The following SARM1 variants were observed in gnomAD, a reference collection of about 807,000 sequenced individuals.
SARM1 encodes the protein NAD(+) hydrolase SARM1.
Under a neutral mutation model 65.1 loss-of-function variants are expected in SARM1, and 60 were observed. That is an observed-to-expected ratio of 0.92 (90% CI 0.75 to 1.14). SARM1 has a LOEUF of 1.14. Among genes scored for constraint, SARM1 ranks in the 50% most tolerant of loss-of-function variants. The pLI is 0.00. For synonymous variants in SARM1, 417 were observed against 465.4 expected (o/e 0.90, Z 1.34); for missense variants, 913 against 1,015.7 (o/e 0.90, Z 1.37).
chr17:28,384,955 C>A lies in SARM1; in HGVS notation c.1394+25C>A. 1.3e-6 allele frequency: 2 copies of A among 1,579,966 alleles called. No homozygotes were observed. The highest frequency in any genetic ancestry group is 1.7e-6 in the Non-Finnish European group (2 of 1,162,638). On this transcript the variant is annotated intron_variant, in intron 4 of 8. Transcript: ENST00000585482. The surrounding 1 kb of genome is among the most constrained non-coding windows in gnomAD (Gnocchi z 4.4). ...GGTACGGAGCCTCCTGCCCGCCGGA[C>A]CCCAGCTAGGTCTAAATAAGCTCCC...
In SARM1 at chr17:28,372,123, C is replaced by A; in HGVS notation, c.91C>A (p.Pro31Thr). ...PRPGAERLAV[P>T]GPDGGGGTGP... Reference sequence around the variant, plus strand: ...GCCGGGCGCCGAGCGGCTGGCGGTGCCTGGGCCAGATGGGGGCGGTGGCAC... The same window carrying A: ...GCCGGGCGCCGAGCGGCTGGCGGTGACTGGGCCAGATGGGGGCGGTGGCAC... The change falls in exon 1 of 9, where the codon CCT becomes ACT. Residue 31 changes from proline (P) to threonine (T), a missense_variant. By Grantham distance (38) the Pro-to-Thr change is conservative. This residue lies in a region of SARM1 where 12 missense variants were observed against 31.5 expected (regional missense o/e 0.38). Coordinates refer to ENST00000585482, the MANE Select transcript of SARM1 (RefSeq NM_015077.4). The surrounding 1 kb of genome is among the most constrained non-coding windows in gnomAD (Gnocchi z 5.2). 2.0e-6 allele frequency: 3 copies of A among 1,464,946 alleles called. No individual in the cohort carries two copies. The highest frequency in any genetic ancestry group is 2.6e-5 in the South Asian group (2 of 76,380). 90.7% of individuals were successfully genotyped at this position (1,464,946 alleles called of 1,614,324 possible). A position where few individuals can be genotyped will look rare whatever the true frequency, so the allele number is the denominator to read the frequency against.
At position 28,402,165 on chromosome 17, in the gene SARM1, A is replaced by G; in HGVS notation, c.*5879A>G. On this transcript the variant is annotated 3_prime_UTR_variant, in exon 9 of 9. Coordinates refer to ENST00000585482, the MANE Select transcript of SARM1 (RefSeq NM_015077.4). ...GGGAAGGCAAGCTGTTCCCCCAGCCATGGCTGCCCATCAGCCCGTTTCGGG... is the reference window on the plus strand; with the variant it reads ...GGGAAGGCAAGCTGTTCCCCCAGCCGTGGCTGCCCATCAGCCCGTTTCGGG... 2 of 1,321,564 alleles carry G rather than the reference A, an allele frequency of 1.5e-6. No homozygotes were observed. The highest frequency in any genetic ancestry group is 2.1e-6 in the Non-Finnish European group (2 of 953,164). The allele number at this position is 1,321,564 out of a possible 1,614,324, so 81.9% of individuals were successfully genotyped here.
chr17:28,400,856 A>T lies in SARM1; in HGVS notation c.*4570A>T. ...ACCTCACAGCTGTGTGACCGGGAGT[A>T]GTCACTTAACCTATGTCTCCCCTTC... On this transcript the variant is annotated 3_prime_UTR_variant, in exon 9 of 9. Transcript: ENST00000585482. 8.2e-7 allele frequency: 1 copy of T among 1,212,172 alleles called. No homozygotes were observed. The highest frequency in any genetic ancestry group is 1.3e-5 in the South Asian group (1 of 76,582). The allele number at this position is 1,212,172 out of a possible 1,614,324, so 75.1% of individuals were successfully genotyped here.
chr17:28,399,466 C>T lies in SARM1; in HGVS notation c.*3180C>T. ...GCCTGTGTGGGTTATGATTCTAGAT[C>T]CTAGACAGAGGCTGGGTCAGCTGTG... On this transcript the variant is annotated 3_prime_UTR_variant, in exon 9 of 9. Transcript: ENST00000585482. The T allele has an allele frequency of 1.6e-6, 1 of 616,362 alleles. No homozygotes were observed. 38.2% of individuals were successfully genotyped at this position (616,362 alleles called of 1,614,324 possible). A position where few individuals can be genotyped will look rare whatever the true frequency, so the allele number is the denominator to read the frequency against.
intron 7 of SARM1, among the ~76,000 whole-genome samples, chr17:28,394,076 T>C (rs1311506569): frequency 6.6e-6 from 1 of 152,242 alleles, no homozygotes; most frequent in East Asian, 1.9e-4. Flanking sequence ...AAGTGGACTG[T>C]GGCCAACCAC....
chr17:28,381,610 T>C lies in SARM1; in HGVS notation c.878T>C (p.Leu293Pro), dbSNP rs1555585295. Residue 293 changes from leucine (L) to proline (P), a missense_variant, in exon 2 of 9, where the codon CTG (leucine) becomes CCG (proline). Coordinates refer to ENST00000585482, the MANE Select transcript of SARM1 (RefSeq NM_015077.4). ...VEREVERSGT[L>P]ALVEPLVASL... Reference sequence around the variant, plus strand: ...CGCGAGGTGGAGCGCTCGGGCACGCTGGCGCTCGTGGAGCCGCTTGTGGCC... The same window carrying C: ...CGCGAGGTGGAGCGCTCGGGCACGCCGGCGCTCGTGGAGCCGCTTGTGGCC... 2.5e-6 allele frequency: 4 copies of C among 1,580,656 alleles called. No individual in the cohort carries two copies. Among genetic ancestry groups the C allele is most frequent in the Non-Finnish European group, 3.4e-6 (4 of 1,164,442 alleles).
rs782804151 is a variant in SARM1 at position 28,396,214 on chromosome 17, C to A, written c.2103C>A (p.Gly701=). The A allele has an allele frequency of 1.9e-6, 3 of 1,614,016 alleles. No homozygotes were observed. The highest frequency in any genetic ancestry group is 2.5e-6 in the Non-Finnish European group (3 of 1,179,870). ...TIEKIIRFLQ[G]RSSRDSSAGS... ...AGAAGATCATCCGCTTCCTGCAGGG[C>A]CGCTCCTCCCGGGACTCATCTGCAG... Residue 701 remains glycine, a synonymous_variant, in exon 9 of 9, where the codon GGC becomes GGA. Transcript: ENST00000585482.
intron 1 of SARM1, among the ~76,000 whole-genome samples, chr17:28,380,058 TTTTTTTTTTTTTTCTGTCTCTCTCTCTC>T (rs2068013336): frequency 9.5e-5 from 2 of 21,156 alleles, no homozygotes; most frequent in Non-Finnish European, 9.4e-5. Context: ...TTTTCTTTTC[TTTTTTTTTTTTTTCTGTCTCTCTCTCTC>T]TTTTTTTTTT....
In SARM1 at chr17:28,385,725, C is replaced by T. The variant is rs781814601; in HGVS notation, c.1630+450C>T. ...GTGGGGTGTAGGCGGGAAGGGTGTG[C>T]GTATGTGTGTTATCCTATTGGCCAA... is the stretch of plus-strand genomic sequence containing the variant. On this transcript the variant is annotated intron_variant, in intron 5 of 8. Coordinates refer to ENST00000585482, the MANE Select transcript of SARM1 (RefSeq NM_015077.4). The surrounding 1 kb of genome is among the most constrained non-coding windows in gnomAD (Gnocchi z 4.5). 2.6e-5 allele frequency among the ~76,000 whole-genome samples: 4 copies of T among 152,042 alleles called. No individual in the cohort carries two copies. Among genetic ancestry groups the T allele is most frequent in the Non-Finnish European group, 5.9e-5 (4 of 68,020 alleles).
chr17:28,387,236 C>CTTTTT (rs548164976), intron 5 of SARM1, among the ~76,000 whole-genome samples: 10 of 139,208 alleles, frequency 7.2e-5, no homozygotes, highest in Admixed American at 1.4e-4. Flanking sequence ...CTTTTCTTTT[C>CTTTTT]TTTTTTTTTT....
chr17:28,384,798 G>T lies in SARM1; in HGVS notation c.1303-41G>T, dbSNP rs1274168130. 6.9e-5 allele frequency: 105 copies of T among 1,517,538 alleles called. No individual in the cohort carries two copies. The highest frequency in any genetic ancestry group is 9.0e-5 in the Non-Finnish European group (100 of 1,115,858). The allele number at this position is 1,517,538 out of a possible 1,614,324, so 94.0% of individuals were successfully genotyped here. ...CATCTTGTGCTCGAGGTCCAAGGGC[G>T]GAGTAGCGAAGCCCTTCCTGACACC... On this transcript the variant is annotated intron_variant, in intron 3 of 8. Transcript: ENST00000585482. This position sits in a 1 kb window ranked among gnomAD's most constrained non-coding sequence, Gnocchi z 4.4.
At chr17:28,375,594 T>TAAA (rs201007293) in intron 1 of SARM1, among the ~76,000 whole-genome samples, 1 of 94,798 alleles carries the variant, frequency 1.1e-5, no homozygotes. Context: ...AGACTCCATC[T>TAAA]AAAAAAAAAA....
rs1555585653 is a variant in SARM1, at chr17:28,384,537, A to G, written c.1270A>G (p.Ile424Val). 6.2e-7 allele frequency: 1 copy of G among 1,611,960 alleles called. No homozygotes were observed. Among genetic ancestry groups the G allele is most frequent in the Non-Finnish European group, 8.5e-7 (1 of 1,179,240 alleles). The change falls in exon 3 of 9, where the codon ATC becomes GTC. Residue 424 changes from isoleucine (I) to valine (V), a missense_variant. Ile to Val is a conservative substitution (Grantham distance 29, BLOSUM62 3). Around this residue, in one of 3 missense-constraint regions of SARM1, gnomAD observed 862 missense variants for 952.1 expected, o/e 0.91. Coordinates refer to ENST00000585482, the MANE Select transcript of SARM1 (RefSeq NM_015077.4). This position sits in a 1 kb window ranked among gnomAD's most constrained non-coding sequence, Gnocchi z 4.4. ...CGAGGTTCAGACGTGGCTGCAGCAG[A>G]TCGGTTTCTCCAAGTACTGCGAGAG... is the stretch of plus-strand genomic sequence containing the variant. Reference protein sequence around the residue: ...EAEVQTWLQQIGFSKYCESFR... With the variant: ...EAEVQTWLQQVGFSKYCESFR...
Position 28,401,056 on chromosome 17 carries a change from T to C in SARM1, c.*4770T>C. On this transcript the variant is annotated 3_prime_UTR_variant, in exon 9 of 9. Transcript: ENST00000585482. ...TAAAAGAAAAAAAAAGTACATGTGA[T>C]ATTGTCTGATGAAAGCTTGATGGAA... is the stretch of plus-strand genomic sequence containing the variant. 2.4e-6 allele frequency: 1 copy of C among 410,940 alleles called. No individual in the cohort carries two copies. Among genetic ancestry groups the C allele is most frequent in the Non-Finnish European group, 4.6e-6 (1 of 218,612 alleles). 25.5% of individuals were successfully genotyped at this position (410,940 alleles called of 1,614,324 possible). A position where few individuals can be genotyped will look rare whatever the true frequency, so the allele number is the denominator to read the frequency against.
At chr17:28,391,771 C>A (rs953572207) in intron 7 of SARM1, among the ~76,000 whole-genome samples, 27 of 130,560 alleles carry the variant, frequency 2.1e-4, no homozygotes, top group Admixed American at 1.2e-3. Flanking sequence ...GTTTATAGAA[C>A]AATTGAATCA....
At chr17:28,392,459 A>G (rs2068085582) in intron 7 of SARM1, among the ~76,000 whole-genome samples, 1 of 152,190 alleles carries the variant, frequency 6.6e-6, no homozygotes. Context: ...TGTGCGATGA[A>G]TAATTTGTAC....
At chr17:28,392,570 A>G (rs1277850776) in intron 7 of SARM1, among the ~76,000 whole-genome samples, 3 of 152,244 alleles carry the variant, frequency 2.0e-5, no homozygotes, top group Non-Finnish European at 4.4e-5. Context: ...GCAGAAAGGC[A>G]GCAGGGCTTG....
rs2068057117 is a variant in SARM1, at chr17:28,387,387, AT to A, written c.1631-786del. Reference sequence around the variant, plus strand: ...AGCTAGATTACAGACATGTGCCACCATGCCTGGATAATTTTTTGTAAAGACA... The same window carrying A: ...AGCTAGATTACAGACATGTGCCACCAGCCTGGATAATTTTTTGTAAAGACA... On this transcript the variant is annotated intron_variant, in intron 5 of 8. Coordinates refer to ENST00000585482, the MANE Select transcript of SARM1 (RefSeq NM_015077.4). 3.3e-5 allele frequency among the ~76,000 whole-genome samples: 5 copies of A among 152,040 alleles called. No individual in the cohort carries two copies. In the South Asian group the frequency reaches 1.0e-3, roughly 32 times the overall value.
rs1174919246 is a variant in SARM1, at chr17:28,399,685, C to T, written c.*3399C>T. 9 of 1,613,804 alleles carry T rather than the reference C, an allele frequency of 5.6e-6. No individual in the cohort carries two copies. The highest frequency in any genetic ancestry group is 7.6e-6 in the Non-Finnish European group (9 of 1,179,898). The stretch of plus-strand genomic sequence containing the variant: ...GGGCTCTGGGGAAACTGCTGGAACT[C>T]GAGGTGAGGATCAGCCTTTTCCAGC... On this transcript the variant is annotated 3_prime_UTR_variant, in exon 9 of 9. Transcript: ENST00000585482.
Sources: allele counts gnomAD v4.1 joint callset (sites outside exome capture counted in the v4.1 genomes callset), GRCh38; gene constraint gnomAD v4.1.1; regional missense constraint gnomAD v4.1.1; non-coding constraint Gnocchi (gnomAD v3.1); transcripts MANE v1.5; gene names NCBI Gene and HGNC (gene_info 2026-07-23, HGNC 2026-07-21).